Variants in XYLT2 observed in about 807,000 individuals in gnomAD.
XYLT2 encodes xylosyltransferase 2.
In XYLT2, 37 loss-of-function variants were observed where a neutral mutation model predicts 82.6. The observed-to-expected ratio is 0.45, with a 90% CI of 0.34 to 0.59. XYLT2 has a LOEUF of 0.59. Among genes scored for constraint, XYLT2 ranks in the 20% least tolerant of loss-of-function variants. The pLI is 0.01. For missense variants in XYLT2, 934 were observed against 1,181.3 expected, an observed-to-expected ratio of 0.79 and a Z score of 3.07; for synonymous variants, 474 against 499.0, an observed-to-expected ratio of 0.95 and a Z score of 0.67.
chr17:50,346,253 T>C lies in XYLT2; in HGVS notation c.113T>C (p.Leu38Pro), dbSNP rs1434047269. The change falls in exon 1 of 11, where the codon CTG becomes CCG. Residue 38 changes from leucine (L) to proline (P), a missense_variant. Transcript: ENST00000017003. This position sits in a 1 kb window ranked among gnomAD's most constrained non-coding sequence, Gnocchi z 5.1. ...QGLVVWSFSG[L>P]EEDEAGEKGR... is the part of the protein sequence containing the mutation. The stretch of plus-strand genomic sequence containing the variant: ...CTGGTAGTGTGGAGCTTCAGCGGCC[T>C]GGAGGAGGACGAGGCGGGCGAGGTG... 5.0e-6 allele frequency: 6 copies of C among 1,197,878 alleles called. No individual in the cohort carries two copies. The highest frequency in any genetic ancestry group is 5.3e-5 in the East Asian group (1 of 18,986). The allele number at this position is 1,197,878 out of a possible 1,614,324, so 74.2% of individuals were successfully genotyped here.
rs987852519 is a variant in XYLT2, at chr17:50,350,402, C to T, written c.136-3228C>T. Among the ~76,000 whole-genome samples the T allele has an allele frequency of 2.1e-4, 23 of 108,650 alleles. 4 individuals carry two copies. Among genetic ancestry groups the T allele is most frequent in the African/African-American group, 7.4e-4 (23 of 31,032 alleles). 71.3% of individuals were successfully genotyped at this position (108,650 alleles called of 152,430 possible). A position where few individuals can be genotyped will look rare whatever the true frequency, so the allele number is the denominator to read the frequency against. ...CCAACATGGTGAAACTCTGTCTCTA[C>T]TAAAAATACAAAAAATTAGCCAGGC... is the stretch of plus-strand genomic sequence containing the variant. On this transcript the variant is annotated intron_variant, in intron 1 of 10. Transcript: ENST00000017003.
rs370911099 is a variant in XYLT2 at position 50,360,336 on chromosome 17, T to G, written c.*45T>G. 7 of 1,506,126 alleles carry G rather than the reference T, an allele frequency of 4.6e-6. No individual in the cohort carries two copies. In the African/African-American group the frequency reaches 7.0e-5, roughly 15 times the overall value. 93.3% of individuals were successfully genotyped at this position (1,506,126 alleles called of 1,614,324 possible). A position where few individuals can be genotyped will look rare whatever the true frequency, so the allele number is the denominator to read the frequency against. ...CGTGGAGGACCCGGGAAATTGCACC[T>G]TACAGACAGTGGAGGGGTGTCCCCT... On this transcript the variant is annotated 3_prime_UTR_variant, in exon 11 of 11. Coordinates refer to ENST00000017003, the MANE Select transcript of XYLT2 (RefSeq NM_022167.4).
At chr17:50,348,843 C>G (rs970984022) in intron 1 of XYLT2, among the ~76,000 whole-genome samples, 1 of 152,326 alleles carries the variant, frequency 6.6e-6, no homozygotes, top group South Asian at 2.1e-4. Flanking sequence ...AGTCAGAGGA[C>G]CATTCCCTAC....
chr17:50,357,315 G>A, intron 9 of XYLT2, 63 bp downstream of exon 9: 7 of 1,454,704 alleles, frequency 4.8e-6, no homozygotes, highest in Non-Finnish European at 5.5e-6. Flanking sequence ...AGTGGGAAGA[G>A]AGGGACAGAC....
Position 50,358,450 on chromosome 17 carries a change from G to C in XYLT2, c.2185G>C (p.Val729Leu), listed in dbSNP as rs1163244585. The stretch of plus-strand genomic sequence containing the variant: ...GCCCCTGCGGCCAGGGCCCTGGACT[G>C]TTCGACTCCTTCAGTTCTGGGAACC... ...SRPLRPGPWT[V>L]RLLQFWEPLG... is the part of the protein sequence containing the mutation. Residue 729 changes from valine (V) to leucine (L), a missense_variant, in exon 10 of 11, where the codon GTT (valine) becomes CTT (leucine). Physicochemically the swap from Val to Leu is conservative, Grantham distance 32. This residue lies in a region of XYLT2 where 374 missense variants were observed against 465.6 expected (regional missense o/e 0.80). Transcript: ENST00000017003. 13 of 1,614,178 alleles carry C rather than the reference G, an allele frequency of 8.1e-6. 1 individual carries two copies. The highest frequency in any genetic ancestry group is 6.7e-5 in the African/African-American group (5 of 75,064).
chr17:50,346,350 C>T lies in XYLT2; in HGVS notation c.135+75C>T. On this transcript the variant is annotated intron_variant, in intron 1 of 10. Transcript: ENST00000017003. This position sits in a 1 kb window ranked among gnomAD's most constrained non-coding sequence, Gnocchi z 5.1. ...GGTCCTGGCGGGGCTGCGGGCGGCC[C>T]CAGCCGGGGAAGTGGGGCACGGGCC... is the stretch of plus-strand genomic sequence containing the variant. 1 of 994,804 alleles carries T rather than the reference C, an allele frequency of 1.0e-6. No individual in the cohort carries two copies. Among genetic ancestry groups the T allele is most frequent in the Non-Finnish European group, 1.2e-6 (1 of 837,120 alleles). The allele number at this position is 994,804 out of a possible 1,614,324, so 61.6% of individuals were successfully genotyped here. A position where few individuals can be genotyped will look rare whatever the true frequency, so the allele number is the denominator to read the frequency against.
chr17:50,352,681 T>TA (rs1435696158), intron 1 of XYLT2, among the ~76,000 whole-genome samples: 4 of 152,166 alleles, frequency 2.6e-5, no homozygotes, highest in Non-Finnish European at 5.9e-5. Context: ...CCAGAGCACT[T>TA]AGAGCCAGGA....
chr17:50,358,626 A>C (rs1457103251), intron 10 of XYLT2, 86 bp downstream of exon 10: 49 of 1,359,332 alleles, frequency 3.6e-5, no homozygotes, highest in Admixed American at 5.1e-5. Flanking sequence ...CAACCATCAG[A>C]GCTGACTCCC....
In XYLT2 at chr17:50,360,201, G is replaced by A; in HGVS notation, c.2508G>A (p.Leu836=). 1 of 1,614,046 alleles carries A rather than the reference G, an allele frequency of 6.2e-7. No individual in the cohort carries two copies. Among genetic ancestry groups the A allele is most frequent in the Non-Finnish European group, 8.5e-7 (1 of 1,179,988 alleles). Residue 836 remains leucine, a synonymous_variant, in exon 11 of 11, where the codon CTG becomes CTA. Transcript: ENST00000017003. ...CAIGPSPCPS[L]EPCRLTSWSS... ...TAGGCCCCTCTCCCTGCCCCTCCCT[G>A]GAGCCCTGCAGACTGACCAGCTGGA...
chr17:50,354,528 G>A lies in XYLT2; in HGVS notation c.749G>A (p.Arg250His), dbSNP rs1454779962. The A allele has an allele frequency of 5.6e-6, 9 of 1,613,330 alleles. No homozygotes were observed. Among genetic ancestry groups the A allele is most frequent in the African/African-American group, 2.7e-5 (2 of 74,948 alleles). The change falls in exon 3 of 11, where the codon CGT becomes CAT. Residue 250 changes from arginine to histidine, a missense_variant. Physicochemically the swap from Arg to His is conservative, Grantham distance 29 (BLOSUM62 0). Transcript: ENST00000017003. ...GGCCGCGCCATCCGCCAGCTGAAGC[G>A]TCTCCTCAAGGCCGTTTATCACGAG... ...VHGRAIRQLKRLLKAVYHEQH... is the reference protein window; with the variant it reads ...VHGRAIRQLKHLLKAVYHEQH...
intron 10 of XYLT2, 40 bp from the exon 11 acceptor site, chr17:50,359,929 G>A (rs1264751216): frequency 2.6e-6 from 4 of 1,509,572 alleles, no homozygotes; most frequent in Non-Finnish European, 3.6e-6. Context: ...CACGGAGTCT[G>A]TTGCAGGGGG....
chr17:50,350,141 CT>C, intron 1 of XYLT2, among the ~76,000 whole-genome samples: 2 of 136,274 alleles, frequency 1.5e-5, no homozygotes, highest in Admixed American at 8.1e-5. Flanking sequence ...TGAGATCACG[CT>C]ACTGCACTCC....
At position 50,357,181 on chromosome 17, in the gene XYLT2, T is replaced by C. The variant is rs111472570; in HGVS notation, c.1870T>C (p.Trp624Arg). 3 of 1,612,466 alleles carry C rather than the reference T, an allele frequency of 1.9e-6. No homozygotes were observed. Among genetic ancestry groups the C allele is most frequent in the Non-Finnish European group, 2.5e-6 (3 of 1,179,868 alleles). ...GGGGCCGGCAGAGACGCTTGAGATGTGGCTGATGCCCCAAGGGTCGCTGAA... is the reference window on the plus strand; with the variant it reads ...GGGGCCGGCAGAGACGCTTGAGATGCGGCTGATGCCCCAAGGGTCGCTGAA... ...AQGPAETLEM[W>R]LMPQGSLKLL... The change falls in exon 9 of 11, where the codon TGG (tryptophan) becomes CGG (arginine). Residue 624 changes from tryptophan to arginine, a missense_variant. Physicochemically the swap from Trp to Arg is moderately radical, Grantham distance 101 (BLOSUM62 -3). Coordinates refer to ENST00000017003, the MANE Select transcript of XYLT2 (RefSeq NM_022167.4).
chr17:50,359,690 T>C (rs1391237212), intron 10 of XYLT2: 2 of 443,152 alleles, frequency 4.5e-6, no homozygotes, highest in Non-Finnish European at 4.0e-6. Context: ...CAAGAAAGGG[T>C]ATGGGACACA....
chr17:50,347,867 C>G (rs1003919045), intron 1 of XYLT2, among the ~76,000 whole-genome samples: 1 of 152,246 alleles, frequency 6.6e-6, no homozygotes, highest in Non-Finnish European at 1.5e-5. Flanking sequence ...CTTCACCACT[C>G]TCTTCCAGCT....
Position 50,346,425 on chromosome 17 carries a change from C to T in XYLT2, c.135+150C>T, listed in dbSNP as rs1439738280. ...CGGTCGCCCAGAGCGGAGCATCCGG[C>T]CCCCGGCACTCCCTTCCCCAGCAGG... On this transcript the variant is annotated intron_variant, in intron 1 of 10. Coordinates refer to ENST00000017003, the MANE Select transcript of XYLT2 (RefSeq NM_022167.4). This position sits in a 1 kb window ranked among gnomAD's most constrained non-coding sequence, Gnocchi z 5.1. 5.4e-6 allele frequency: 5 copies of T among 921,264 alleles called. No individual in the cohort carries two copies. Among genetic ancestry groups the T allele is most frequent in the African/African-American group, 1.8e-5 (1 of 55,946 alleles). The allele number at this position is 921,264 out of a possible 1,614,324, so 57.1% of individuals were successfully genotyped here. A position where few individuals can be genotyped will look rare whatever the true frequency, so the allele number is the denominator to read the frequency against.
chr17:50,361,119 A>G lies in XYLT2; in HGVS notation c.*828A>G. ...TGAAGCTCAGCGTGAAGTCTGAAAT[A>G]TGCAACAGAAGAAATATATCTCTAT... On this transcript the variant is annotated 3_prime_UTR_variant, in exon 11 of 11. Transcript: ENST00000017003. 1.0e-6 allele frequency: 1 copy of G among 985,910 alleles called. No homozygotes were observed. The highest frequency in any genetic ancestry group is 1.2e-6 in the Non-Finnish European group (1 of 829,950). The allele number at this position is 985,910 out of a possible 1,614,324, so 61.1% of individuals were successfully genotyped here.
rs142421791 is a variant in XYLT2, at chr17:50,355,848, G to A, written c.1156G>A (p.Glu386Lys). 9.3e-6 allele frequency: 15 copies of A among 1,614,242 alleles called. No homozygotes were observed. In the Admixed American group the frequency reaches 1.2e-4, roughly 13 times the overall value. Residue 386 changes from glutamate (E) to lysine (K), a missense_variant, in exon 6 of 11, where the codon GAG becomes AAG. By Grantham distance (56) the Glu-to-Lys change is moderately conservative. Coordinates refer to ENST00000017003, the MANE Select transcript of XYLT2 (RefSeq NM_022167.4). ...ECDSHMWRLG[E>K]RQIPAGIVVD... ...CGACTCACACATGTGGCGCCTGGGCGAGCGGCAGATCCCAGCAGGCATTGT... is the reference window on the plus strand; with the variant it reads ...CGACTCACACATGTGGCGCCTGGGCAAGCGGCAGATCCCAGCAGGCATTGT...
At position 50,354,431 on chromosome 17, in the gene XYLT2, T is replaced by G; in HGVS notation, c.652T>G (p.Trp218Gly). 6.2e-7 allele frequency: 1 copy of G among 1,609,620 alleles called. No homozygotes were observed. The highest frequency in any genetic ancestry group is 2.2e-5 in the East Asian group (1 of 44,800). The change falls in exon 3 of 11, where the codon TGG becomes GGG. Residue 218 changes from tryptophan (W) to glycine (G), a missense_variant. This residue lies in a region of XYLT2 where 371 missense variants were observed against 394.9 expected (regional missense o/e 0.94). Transcript: ENST00000017003. ...AGGGAAGATGAGCCCCGGCATCCAG[T>G]GGGATGAGAGCCAAGCCCAGCAGCC... ...LTGKMSPGIQ[W>G]DESQAQQPMD...
Sources: allele counts gnomAD v4.1 joint callset (sites outside exome capture counted in the v4.1 genomes callset), GRCh38; gene constraint gnomAD v4.1.1; regional missense constraint gnomAD v4.1.1; non-coding constraint Gnocchi (gnomAD v3.1); transcripts MANE v1.5; gene names NCBI Gene and HGNC (gene_info 2026-07-23, HGNC 2026-07-21).